The following IGF2BP1 variants were observed in gnomAD, a reference collection of about 807,000 sequenced individuals.
IGF2BP1 encodes the protein insulin like growth factor 2 mRNA binding protein 1.
Under a neutral mutation model 74.9 loss-of-function variants are expected in IGF2BP1, and 11 were observed. That is an observed-to-expected ratio of 0.15 (90% CI 0.09 to 0.24). IGF2BP1 has a LOEUF of 0.24. IGF2BP1 is among the 10% of genes least tolerant of loss of function. The pLI is 1.00. For synonymous variants in IGF2BP1, 287 were observed against 281.8 expected (o/e 1.02, Z -0.18); for missense variants, 440 against 757.4 (o/e 0.58, Z 4.92).
chr17:49,013,424 GTCCCGCCTCC>G (rs1287964340), intron 2 of IGF2BP1: 2 of 152,286 alleles, frequency 1.3e-5, no homozygotes, highest in African/African-American at 4.8e-5. Flanking sequence ...CTCCCGCCCC[GTCCCGCCTCC>G]TCCCGCGGCC....
intron 2 of IGF2BP1, among the ~76,000 whole-genome samples, chr17:49,019,502 T>A (rs1205737024): frequency 6.6e-6 from 1 of 152,134 alleles, no homozygotes; most frequent in Non-Finnish European, 1.5e-5. Flanking sequence ...AATATAAACA[T>A]AAAAGTAGAA....
chr17:49,002,419 T>C (rs2041498192), intron 2 of IGF2BP1, among the ~76,000 whole-genome samples: 1 of 152,100 alleles, frequency 6.6e-6, no homozygotes, highest in African/African-American at 2.4e-5. Context: ...TCTTCAGAAA[T>C]GGATTTGCAC....
At chr17:49,028,514 AC>A (rs1173739735) in intron 4 of IGF2BP1, among the ~76,000 whole-genome samples, 63 of 152,216 alleles carry the variant, frequency 4.1e-4, no homozygotes, top group Non-Finnish European at 1.2e-4. Flanking sequence ...CACAGTTTAG[AC>A]TAATGAATAA....
rs1321971618 is a variant in IGF2BP1 at position 49,003,839 on chromosome 17, C to T, written c.236+4670C>T. Among the ~76,000 whole-genome samples, 3 of 151,744 alleles carry T rather than the reference C, an allele frequency of 2.0e-5. 1 individual carries two copies. Among genetic ancestry groups the T allele is most frequent in the South Asian group, 4.2e-4 (2 of 4,786 alleles). On this transcript the variant is annotated intron_variant, in intron 2 of 14. Transcript: ENST00000290341. Reference sequence around the variant, plus strand: ...CGGGGTTGGGTGGATTTCCCGCTTCCCTTTTAAAGGGGAGCGGCTGGAGTC... The same window carrying T: ...CGGGGTTGGGTGGATTTCCCGCTTCTCTTTTAAAGGGGAGCGGCTGGAGTC...
Position 49,054,763 on chromosome 17 carries a change from C to T in IGF2BP1, c.*5319C>T, listed in dbSNP as rs2042205937. 6.6e-6 allele frequency: 1 copy of T among 152,210 alleles called. No homozygotes were observed. Among genetic ancestry groups the T allele is most frequent in the African/African-American group, 2.4e-5 (1 of 41,412 alleles). The allele number at this position is 152,210 out of a possible 1,614,324, so 9.4% of individuals were successfully genotyped here. ...GGGGAAACCAGAGCTGAGACCTCTTCAACAGGGTTTCTTTGAGATCCTACA... is the reference window on the plus strand; with the variant it reads ...GGGGAAACCAGAGCTGAGACCTCTTTAACAGGGTTTCTTTGAGATCCTACA... On this transcript the variant is annotated 3_prime_UTR_variant, in exon 15 of 15. Transcript: ENST00000290341.
At position 49,052,278 on chromosome 17, in the gene IGF2BP1, C is replaced by T. The variant is rs934808699; in HGVS notation, c.*2834C>T. 1.4e-4 allele frequency: 21 copies of T among 152,148 alleles called. No homozygotes were observed. The highest frequency in any genetic ancestry group is 3.9e-4 in the African/African-American group (16 of 41,408). 9.4% of individuals were successfully genotyped at this position (152,148 alleles called of 1,614,324 possible). A position where few individuals can be genotyped will look rare whatever the true frequency, so the allele number is the denominator to read the frequency against. On this transcript the variant is annotated 3_prime_UTR_variant, in exon 15 of 15. Coordinates refer to ENST00000290341, the MANE Select transcript of IGF2BP1 (RefSeq NM_006546.4). The stretch of plus-strand genomic sequence containing the variant: ...CAAAACAAAGCAGATAACGTTCAGA[C>T]GTCGGCCATTTAGTAATTTAAAGCG...
intron 13 of IGF2BP1, 102 bp from the exon 14 acceptor site, chr17:49,046,158 C>T (rs1042472042): frequency 3.3e-5 from 48 of 1,445,868 alleles, no homozygotes; most frequent in Non-Finnish European, 4.6e-5. Flanking sequence ...AGCTCAGGTC[C>T]TGACTCTTCC....
At position 49,051,294 on chromosome 17, in the gene IGF2BP1, A is replaced by G. The variant is rs1252508765; in HGVS notation, c.*1850A>G. On this transcript the variant is annotated 3_prime_UTR_variant, in exon 15 of 15. Transcript: ENST00000290341. Reference sequence around the variant, plus strand: ...GTTATGTTTCATAATTTCTTACAACATGAGCCAGTAACCCTTTAGGAACTC... The same window carrying G: ...GTTATGTTTCATAATTTCTTACAACGTGAGCCAGTAACCCTTTAGGAACTC... The G allele has an allele frequency of 6.6e-6, 1 of 152,614 alleles. No individual in the cohort carries two copies. The allele number at this position is 152,614 out of a possible 1,614,324, so 9.5% of individuals were successfully genotyped here. A position where few individuals can be genotyped will look rare whatever the true frequency, so the allele number is the denominator to read the frequency against.
At chr17:49,016,045 C>T (rs1361373519) in intron 2 of IGF2BP1, among the ~76,000 whole-genome samples, 1 of 152,220 alleles carries the variant, frequency 6.6e-6, no homozygotes, top group African/African-American at 2.4e-5. Flanking sequence ...ATCCCGTGCC[C>T]AAATTAGAGC....
At chr17:49,038,709 TAAAA>T (rs542292935) in intron 6 of IGF2BP1, among the ~76,000 whole-genome samples, 4 of 151,878 alleles carry the variant, frequency 2.6e-5, no homozygotes, top group Non-Finnish European at 5.9e-5. Context: ...TGAAGTTTCA[TAAAA>T]AAAGTCTCCA....
chr17:49,013,385 C>G (rs985865121), intron 2 of IGF2BP1, among the ~76,000 whole-genome samples: 5 of 152,136 alleles, frequency 3.3e-5, no homozygotes, highest in African/African-American at 1.2e-4. Flanking sequence ...TGCTCCCAGG[C>G]CTTAGTTCCT....
chr17:49,045,389 A>G (rs1347857638), intron 12 of IGF2BP1, among the ~76,000 whole-genome samples: 2 of 152,214 alleles, frequency 1.3e-5, no homozygotes, highest in Non-Finnish European at 2.9e-5. Flanking sequence ...TCCCCACTAA[A>G]TCCTAAGGTT....
rs1024784287 is a variant in IGF2BP1 at position 49,026,677 on chromosome 17, C to T, written c.337+160C>T. On this transcript the variant is annotated intron_variant, in intron 4 of 14. Transcript: ENST00000290341. ...CCTTCCTGCCTTCCTGCCTTCCTTC[C>T]TGCCTTCCTGCCTTCCTGCCTTCCT... 1.6e-4 allele frequency among the ~76,000 whole-genome samples: 5 copies of T among 30,866 alleles called. 1 individual carries two copies. The highest frequency in any genetic ancestry group is 5.0e-4 in the African/African-American group (5 of 9,938). The allele number at this position is 30,866 out of a possible 152,430, so 20.2% of individuals were successfully genotyped here. A position where few individuals can be genotyped will look rare whatever the true frequency, so the allele number is the denominator to read the frequency against.
chr17:49,036,477 A>T lies in IGF2BP1; in HGVS notation c.402-1691A>T, dbSNP rs556189792. ...AAAAAATAAAAAAATAAAAAATAATAAAAAAAAATGGGGGACTGCGGAGGA... is the reference window on the plus strand; with the variant it reads ...AAAAAATAAAAAAATAAAAAATAATTAAAAAAAATGGGGGACTGCGGAGGA... On this transcript the variant is annotated intron_variant, in intron 5 of 14. Coordinates refer to ENST00000290341, the MANE Select transcript of IGF2BP1 (RefSeq NM_006546.4). The T allele has an allele frequency of 1.1e-4, 16 of 142,546 alleles. No homozygotes were observed. In the South Asian group the frequency reaches 1.7e-3, roughly 15 times the overall value. 8.8% of individuals were successfully genotyped at this position (142,546 alleles called of 1,614,324 possible). A position where few individuals can be genotyped will look rare whatever the true frequency, so the allele number is the denominator to read the frequency against.
chr17:49,017,012 C>T (rs1256818507), intron 2 of IGF2BP1, among the ~76,000 whole-genome samples: 1 of 151,556 alleles, frequency 6.6e-6, no homozygotes, highest in Non-Finnish European at 1.5e-5. Flanking sequence ...ACCGCCTCTC[C>T]ACCCTGTAGG....
Position 49,051,137 on chromosome 17 carries a change from T to TA in IGF2BP1, c.*1700dup, listed in dbSNP as rs902766876. ...TCCTTTTTGTTCCCCCCAACCCCATTAAAAAAATTTTTTTTTGATTTTTGT... is the reference window on the plus strand; with the variant it reads ...TCCTTTTTGTTCCCCCCAACCCCATTAAAAAAAATTTTTTTTTGATTTTTGT... On this transcript the variant is annotated 3_prime_UTR_variant, in exon 15 of 15. Coordinates refer to ENST00000290341, the MANE Select transcript of IGF2BP1 (RefSeq NM_006546.4). The TA allele has an allele frequency of 6.6e-6, 1 of 152,586 alleles. No homozygotes were observed. The highest frequency in any genetic ancestry group is 1.5e-5 in the Non-Finnish European group (1 of 68,024). The allele number at this position is 152,586 out of a possible 1,614,324, so 9.5% of individuals were successfully genotyped here.
rs1436341732 is a variant in IGF2BP1, at chr17:49,056,058, T to C, written c.*6614T>C. Among the ~76,000 whole-genome samples the C allele has an allele frequency of 1.3e-5, 2 of 152,094 alleles. No individual in the cohort carries two copies. The highest frequency in any genetic ancestry group is 2.9e-5 in the Non-Finnish European group (2 of 68,008). On this transcript the variant is annotated 3_prime_UTR_variant, in exon 15 of 15. Transcript: ENST00000290341. ...GATGGATGAACGAACACTCCAGTTT[T>C]CTTTCCCGTGAAGGTTGTTTCAGCC...
chr17:49,025,721 C>G, intron 3 of IGF2BP1, 55 bp downstream of exon 3: 1 of 1,520,084 alleles, frequency 6.6e-7, no homozygotes, highest in South Asian at 1.1e-5. Context: ...CTGGAAAGTA[C>G]GTCTGGACTA....
At chr17:49,046,414 C>T (rs1163190292) in intron 14 of IGF2BP1, 41 bp downstream of exon 14, 1 of 1,462,210 alleles carries the variant, frequency 6.8e-7, no homozygotes, top group Non-Finnish European at 9.6e-7. Context: ...GCTGCAGGAG[C>T]CCAGGGAGCA....
Sources: allele counts gnomAD v4.1 joint callset (sites outside exome capture counted in the v4.1 genomes callset), GRCh38; gene constraint gnomAD v4.1.1; transcripts MANE v1.5; gene names NCBI Gene and HGNC (gene_info 2026-07-23, HGNC 2026-07-21).